Variants in PCCB observed in about 807,000 individuals in gnomAD.
PCCB encodes the protein propionyl-CoA carboxylase beta chain, mitochondrial.
A neutral mutation model predicts 60.7 loss-of-function variants in PCCB; 43 were observed. That is an observed-to-expected ratio of 0.71 (90% CI 0.55 to 0.91). PCCB has a LOEUF of 0.91. Among genes scored for constraint, PCCB ranks in the 40% least tolerant of loss-of-function variants. PCCB has a pLI of 0.00. For missense variants in PCCB, 766 were observed against 702.8 expected, an observed-to-expected ratio of 1.09 and a Z score of -1.02; for synonymous variants, 276 against 255.9, an observed-to-expected ratio of 1.08 and a Z score of -0.75.
At chr3:136,310,143 C>T (rs1202880319) in intron 9 of PCCB, among the ~76,000 whole-genome samples, 1 of 151,762 alleles carries the variant, frequency 6.6e-6, no homozygotes, top group Non-Finnish European at 1.5e-5. Flanking sequence ...GTGGGCGGAT[C>T]ACCTGAGGTC....
At chr3:136,257,576 TTC>T (rs1310157092) in intron 3 of PCCB, among the ~76,000 whole-genome samples, 2 of 152,200 alleles carry the variant, frequency 1.3e-5, no homozygotes, top group Non-Finnish European at 2.9e-5. Flanking sequence ...TTTGACTTTT[TTC>T]TCTCCAGAGG....
intron 9 of PCCB, among the ~76,000 whole-genome samples, chr3:136,304,474 C>T (rs1362793536): frequency 1.0e-4 from 12 of 118,136 alleles, no homozygotes; most frequent in African/African-American, 2.8e-4. Context: ...CTCTGCCTCC[C>T]GGGTACACGC....
intron 10 of PCCB, chr3:136,326,190 C>A: frequency 1.7e-6 from 1 of 583,920 alleles, no homozygotes. Flanking sequence ...TGTTTTTGGT[C>A]TGTATTCTTT....
rs1181482923 is a variant in PCCB, at chr3:136,268,049, A to AGT, written c.543+5998_543+5999dup. ...TGGGTGCCTGCCACCAAACCTGGCT[A>AGT]GTGTGTGTGTGTGTGCGTGTGTGTG... is the stretch of plus-strand genomic sequence containing the variant. On this transcript the variant is annotated intron_variant, in intron 5 of 14. Coordinates refer to ENST00000251654, the MANE Select transcript of PCCB (RefSeq NM_000532.5). Among the ~76,000 whole-genome samples the AGT allele has an allele frequency of 4.6e-3, 385 of 83,834 alleles. 1 individual carries two copies. Among genetic ancestry groups the AGT allele is most frequent in the African/African-American group, 0.014 (322 of 23,554 alleles). The allele number at this position is 83,834 out of a possible 152,430, so 55.0% of individuals were successfully genotyped here. A position where few individuals can be genotyped will look rare whatever the true frequency, so the allele number is the denominator to read the frequency against.
At chr3:136,326,042 G>C (rs747966761) in intron 10 of PCCB, among the ~76,000 whole-genome samples, 1 of 151,734 alleles carries the variant, frequency 6.6e-6, no homozygotes, top group Non-Finnish European at 1.5e-5. Context: ...TCGATCTCTT[G>C]ACCTCGTGAT....
intron 5 of PCCB, among the ~76,000 whole-genome samples, chr3:136,282,375 C>T (rs1241170732): frequency 6.6e-6 from 1 of 152,190 alleles, no homozygotes; most frequent in Non-Finnish European, 1.5e-5. Flanking sequence ...TTCCTGTTCT[C>T]TCTTCTGTGA....
chr3:136,268,102 A>G (rs34726739), intron 5 of PCCB, among the ~76,000 whole-genome samples: 24,398 of 117,398 alleles, frequency 0.21, 3,470 homozygotes, highest in East Asian at 0.55. Context: ...ATATATATAT[A>G]TATATATATA....
At chr3:136,264,448 G>GTATGTGTATATATATATATA (rs1553775221) in intron 5 of PCCB, among the ~76,000 whole-genome samples, 1 of 107,224 alleles carries the variant, frequency 9.3e-6, no homozygotes, top group African/African-American at 3.0e-5. Context: ...GTGTATATAT[G>GTATGTGTATATATATATATA]TATATATATA....
chr3:136,285,909 A>G (rs1933381174), intron 6 of PCCB, among the ~76,000 whole-genome samples: 1 of 152,232 alleles, frequency 6.6e-6, no homozygotes, highest in African/African-American at 2.4e-5. Flanking sequence ...TATTCTGTGT[A>G]TTTAATAAGA....
At chr3:136,272,199 T>C (rs1292228907) in intron 5 of PCCB, among the ~76,000 whole-genome samples, 1 of 152,212 alleles carries the variant, frequency 6.6e-6, no homozygotes, top group African/African-American at 2.4e-5. Flanking sequence ...CCTGCATCTC[T>C]GGGATGAAAC....
At chr3:136,313,281 T>C (rs1285015979) in intron 9 of PCCB, among the ~76,000 whole-genome samples, 1 of 152,222 alleles carries the variant, frequency 6.6e-6, no homozygotes, top group Non-Finnish European at 1.5e-5. Flanking sequence ...TACGTTGTCA[T>C]TTGTAATTGC....
rs149617577 is a variant in PCCB, at chr3:136,252,438, A to G, written c.183+1880A>G. On this transcript the variant is annotated intron_variant, in intron 1 of 14. Transcript: ENST00000251654. ...ATTTTTGTATTTTTAGTAGAGATGG[A>G]GTTTCACCATGTTGGCCAGGCTGGT... is the stretch of plus-strand genomic sequence containing the variant. 3,828 of 386,928 alleles carry G rather than the reference A, an allele frequency of 9.9e-3. 55 individuals carry two copies. Among genetic ancestry groups the G allele is most frequent in the East Asian group, 0.056 (674 of 12,006 alleles). The allele number at this position is 386,928 out of a possible 1,614,324, so 24.0% of individuals were successfully genotyped here. A position where few individuals can be genotyped will look rare whatever the true frequency, so the allele number is the denominator to read the frequency against.
chr3:136,303,998 C>A (rs1415349586), intron 9 of PCCB, among the ~76,000 whole-genome samples: 1 of 121,868 alleles, frequency 8.2e-6, no homozygotes, highest in Non-Finnish European at 1.8e-5. Context: ...TCTGTCAGTT[C>A]TGGAGGCTAG....
intron 1 of PCCB, among the ~76,000 whole-genome samples, chr3:136,251,813 C>G (rs989546276): frequency 1.3e-5 from 2 of 152,166 alleles, no homozygotes; most frequent in Non-Finnish European, 2.9e-5. Context: ...CCTCCAGAAG[C>G]TGTTTTTCTT....
intron 6 of PCCB, among the ~76,000 whole-genome samples, chr3:136,292,128 CTG>C (rs1167248208): frequency 1.3e-5 from 2 of 152,128 alleles, no homozygotes; most frequent in South Asian, 4.1e-4. Context: ...CTAAGAAAAA[CTG>C]TTGGTTTTTC....
At chr3:136,312,446 A>G (rs944669788) in intron 9 of PCCB, among the ~76,000 whole-genome samples, 3 of 152,374 alleles carry the variant, frequency 2.0e-5, no homozygotes, top group Non-Finnish European at 4.4e-5. Flanking sequence ...GTCATTGACC[A>G]GAACCTCTTT....
chr3:136,313,955 CA>C (rs1225169954), intron 9 of PCCB, among the ~76,000 whole-genome samples: 74 of 152,084 alleles, frequency 4.9e-4, no homozygotes, highest in African/African-American at 1.7e-3. Context: ...CCTATAGTTG[CA>C]CTGGAGTAGG....
chr3:136,303,888 G>A (rs946538139), intron 9 of PCCB, among the ~76,000 whole-genome samples: 1 of 122,782 alleles, frequency 8.1e-6, no homozygotes, highest in African/African-American at 2.5e-5. Flanking sequence ...ACAGGTGTGA[G>A]CCACCGTGCC....
chr3:136,270,991 C>G lies in PCCB; in HGVS notation c.543+8926C>G, dbSNP rs113831697. On this transcript the variant is annotated intron_variant, in intron 5 of 14. Coordinates refer to ENST00000251654, the MANE Select transcript of PCCB (RefSeq NM_000532.5). ...CTACTTTTTGATGGGATTATTTTTT[C>G]TTGCTGATTTGAGTTCCTTGTAGAT... Among the ~76,000 whole-genome samples the G allele has an allele frequency of 5.6e-3, 856 of 152,070 alleles. 9 individuals carry two copies. Among genetic ancestry groups the G allele is most frequent in the Non-Finnish European group, 8.0e-3 (542 of 67,974 alleles).
Sources: gnomAD v4.1 joint callset for allele counts (sites outside exome capture counted in the v4.1 genomes callset) on GRCh38, gnomAD v4.1.1 for gene constraint, MANE v1.5 for transcripts, NCBI Gene and HGNC (gene_info 2026-07-23, HGNC 2026-07-21) for gene names.